The following TXNL1 variants were observed in gnomAD, a reference collection of about 807,000 sequenced individuals.
TXNL1 encodes the protein thioredoxin-like protein 1.
Under a neutral mutation model 35.5 loss-of-function variants are expected in TXNL1, and 14 were observed. The observed-to-expected ratio is 0.39, with a 90% confidence interval of 0.26 to 0.62. The LOEUF is 0.62. Among genes scored for constraint, TXNL1 ranks in the 20% least tolerant of loss-of-function variants. The pLI is 0.47. For synonymous variants in TXNL1, 110 were observed against 115.5 expected, an observed-to-expected ratio of 0.95 and a Z score of 0.31; for missense variants, 263 against 349.7, an observed-to-expected ratio of 0.75 and a Z score of 1.98.
intron 1 of TXNL1, among the ~76,000 whole-genome samples, 164 bp from the exon 2 acceptor site, chr18:56,626,621 G>A (rs567367181): frequency 7.3e-5 from 11 of 151,140 alleles, no homozygotes; most frequent in Non-Finnish European, 8.8e-5. Flanking sequence ...TCACTCTGTC[G>A]GCCAGAGTGG....
intron 4 of TXNL1, among the ~76,000 whole-genome samples, chr18:56,617,599 T>C (rs1392517089): frequency 2.0e-4 from 31 of 152,208 alleles, no homozygotes; most frequent in Admixed American, 2.0e-3. Flanking sequence ...ATAGGGAATA[T>C]AATACAGGTT....
intron 1 of TXNL1, among the ~76,000 whole-genome samples, chr18:56,634,199 T>A (rs1057409423): frequency 3.9e-5 from 6 of 151,940 alleles, no homozygotes; most frequent in Non-Finnish European, 7.4e-5. Context: ...GAGAGTGAAA[T>A]GAATTGCAGG....
rs901900976 is a variant in TXNL1 at position 56,600,888 on chromosome 18, A to G, written c.*2139T>C. On this transcript the variant is annotated 3_prime_UTR_variant, in exon 8 of 8. Transcript: ENST00000217515. The stretch of plus-strand genomic sequence containing the variant: ...GACTTTCGTTTCTATTATGAACACG[A>G]TATTTCACTGTTGTTTCTCATCAAA... 1.3e-5 allele frequency: 2 copies of G among 152,230 alleles called. No individual in the cohort carries two copies. Among genetic ancestry groups the G allele is most frequent in the African/African-American group, 2.4e-5 (1 of 41,446 alleles). 9.4% of individuals were successfully genotyped at this position (152,230 alleles called of 1,614,324 possible).
chr18:56,621,235 C>G (rs1026781123), intron 3 of TXNL1, among the ~76,000 whole-genome samples: 1 of 149,690 alleles, frequency 6.7e-6, no homozygotes, highest in African/African-American at 2.5e-5. Context: ...AACAAAGTCT[C>G]CCTCTGTTGC....
intron 7 of TXNL1, chr18:56,608,647 C>T (rs544769708): frequency 6.6e-6 from 1 of 152,246 alleles, no homozygotes; most frequent in Middle Eastern, 3.4e-3. Context: ...TCACAAGTAT[C>T]CAGGGGAGTT....
At chr18:56,636,252 G>C (rs2024453545) in intron 1 of TXNL1, among the ~76,000 whole-genome samples, 2 of 152,072 alleles carry the variant, frequency 1.3e-5, no homozygotes, top group South Asian at 4.1e-4. Context: ...TTTAAAATAG[G>C]GTTGGAAAGG....
intron 6 of TXNL1, among the ~76,000 whole-genome samples, chr18:56,613,091 T>C (rs937315069): frequency 2.0e-5 from 3 of 152,104 alleles, no homozygotes; most frequent in Non-Finnish European, 4.4e-5. Context: ...CTGCCCATCT[T>C]GGCCTCCCAA....
rs1224761486 is a variant in TXNL1 at position 56,626,471 on chromosome 18, A to G, written c.99-14T>C. 6.3e-7 allele frequency: 1 copy of G among 1,582,964 alleles called. No individual in the cohort carries two copies. Among genetic ancestry groups the G allele is most frequent in the Admixed American group, 1.8e-5 (1 of 54,352 alleles). On this transcript the variant is annotated splice_polypyrimidine_tract_variant and intron_variant, in intron 1 of 7. Coordinates refer to ENST00000217515, the MANE Select transcript of TXNL1 (RefSeq NM_004786.3). ...CATGGCCCACACCTGTTAGAAAAGG[A>G]AAATTAAGTAAAATAACACTAAAGA... is the stretch of plus-strand genomic sequence containing the variant.
intron 1 of TXNL1, among the ~76,000 whole-genome samples, chr18:56,633,619 CAAA>C (rs58501408): frequency 0.065 from 5,924 of 91,074 alleles, 152 homozygotes; most frequent in Non-Finnish European, 0.088. Flanking sequence ...GACCCTGTCT[CAAA>C]AAAAAAAAAA....
chr18:56,608,390 A>G (rs2023936925), intron 7 of TXNL1: 1 of 152,254 alleles, frequency 6.6e-6, no homozygotes, highest in African/African-American at 2.4e-5. Context: ...TGTCATTCAG[A>G]AATATTACAA....
intron 5 of TXNL1, 51 bp from the exon 6 acceptor site, chr18:56,614,647 T>C (rs1470109234): frequency 4.2e-6 from 6 of 1,438,400 alleles, no homozygotes; most frequent in Non-Finnish European, 5.7e-6. Context: ...AAATATACTA[T>C]ACTCCCTTTA....
At chr18:56,628,278 T>C (rs1279153030) in intron 1 of TXNL1, among the ~76,000 whole-genome samples, 3 of 152,184 alleles carry the variant, frequency 2.0e-5, no homozygotes, top group African/African-American at 4.8e-5. Flanking sequence ...TGCAAGCTGG[T>C]ATTAACCATT....
chr18:56,605,443 T>C (rs1472891862), intron 7 of TXNL1, among the ~76,000 whole-genome samples: 2 of 152,242 alleles, frequency 1.3e-5, no homozygotes, highest in African/African-American at 4.8e-5. Context: ...ATGGCCAGTT[T>C]AGAAAAGTCT....
chr18:56,605,015 T>C (rs1354632466), intron 7 of TXNL1, among the ~76,000 whole-genome samples: 3 of 142,072 alleles, frequency 2.1e-5, no homozygotes, highest in African/African-American at 7.9e-5. Flanking sequence ...CAAAATTAAA[T>C]ATGAAACAGT....
chr18:56,618,012 C>G lies in TXNL1; in HGVS notation c.484G>C (p.Asp162His). 6.2e-7 allele frequency: 1 copy of G among 1,613,924 alleles called. No individual in the cohort carries two copies. Among genetic ancestry groups the G allele is most frequent in the Non-Finnish European group, 8.5e-7 (1 of 1,179,910 alleles). ...CTTCAGCCCTCAATTACCTGTTCAT[C>G]ACAGTCAGATTCCAAGAAGGTTGTG... is the stretch of plus-strand genomic sequence containing the variant. ...KDTTFLESDC[D>H]EQLLITVAFN... is the part of the protein sequence containing the mutation. Residue 162 changes from aspartate to histidine, a missense_variant, in exon 4 of 8, where the codon GAT becomes CAT. Physicochemically the swap from Asp to His is moderately conservative, Grantham distance 81 (BLOSUM62 -1). Coordinates refer to ENST00000217515, the MANE Select transcript of TXNL1 (RefSeq NM_004786.3).
At chr18:56,636,635 C>T (rs2024459691) in intron 1 of TXNL1, among the ~76,000 whole-genome samples, 1 of 152,006 alleles carries the variant, frequency 6.6e-6, no homozygotes, top group South Asian at 2.1e-4. Flanking sequence ...TCAATGTCTG[C>T]AGTTATGCTT....
At chr18:56,630,542 G>A (rs1335041163) in intron 1 of TXNL1, among the ~76,000 whole-genome samples, 1 of 152,134 alleles carries the variant, frequency 6.6e-6, no homozygotes, top group Admixed American at 6.5e-5. Flanking sequence ...TCCAGATGAA[G>A]GTTTTATTTC....
Position 56,602,743 on chromosome 18 carries a change from TTAAG to T in TXNL1, c.*280_*283del, listed in dbSNP as rs2144271010. 1 of 520,678 alleles carries T rather than the reference TTAAG, an allele frequency of 1.9e-6. No individual in the cohort carries two copies. The highest frequency in any genetic ancestry group is 3.4e-5 in the East Asian group (1 of 29,166). 32.3% of individuals were successfully genotyped at this position (520,678 alleles called of 1,614,324 possible). ...TTTCAATCAATATACTACCAGACACTTAAGTCTCTACTAAAATCAGAAGTTAACC... is the reference window on the plus strand; with the variant it reads ...TTTCAATCAATATACTACCAGACACTTCTCTACTAAAATCAGAAGTTAACC... On this transcript the variant is annotated 3_prime_UTR_variant, in exon 8 of 8. Transcript: ENST00000217515.
rs1192187099 is a variant in TXNL1, at chr18:56,603,652, TA to T, written c.841-597del. Reference sequence around the variant, plus strand: ...AGAAAAATCCTCTACTGGAGGATTATAAAAAACATTCTGGTTGCTATATATG... The same window carrying T: ...AGAAAAATCCTCTACTGGAGGATTATAAAAACATTCTGGTTGCTATATATG... On this transcript the variant is annotated intron_variant, in intron 7 of 7. Transcript: ENST00000217515. 2.0e-5 allele frequency among the ~76,000 whole-genome samples: 3 copies of T among 152,272 alleles called. No individual in the cohort carries two copies. In the East Asian group the frequency reaches 5.8e-4, roughly 29 times the overall value.
Sources: gnomAD v4.1 joint callset for allele counts (sites outside exome capture counted in the v4.1 genomes callset) on GRCh38, gnomAD v4.1.1 for gene constraint, MANE v1.5 for transcripts, NCBI Gene and HGNC (gene_info 2026-07-23, HGNC 2026-07-21) for gene names.